Variants in NKAIN3 observed in about 807,000 individuals in gnomAD.
NKAIN3 encodes sodium/potassium transporting ATPase interacting 3.
A neutral mutation model predicts 30.2 loss-of-function variants in NKAIN3; 25 were observed. The observed-to-expected ratio is 0.83, with a 90% CI of 0.60 to 1.16. The LOEUF (loss-of-function observed/expected upper bound fraction) is 1.16. Among genes scored for constraint, NKAIN3 ranks in the 50% most tolerant of loss-of-function variants. The pLI is 0.00. For missense variants in NKAIN3, 225 were observed against 254.1 expected (o/e 0.89, Z 0.78); for synonymous variants, 91 against 89.6 (o/e 1.02, Z -0.09).
intron 4 of NKAIN3, among the ~76,000 whole-genome samples, chr8:62,774,925 A>G (rs1817141219): frequency 6.6e-6 from 1 of 152,102 alleles, no homozygotes; most frequent in Non-Finnish European, 1.5e-5. Context: ...CATGGAATGA[A>G]TTTGGAAGTA....
intron 1 of NKAIN3, among the ~76,000 whole-genome samples, chr8:62,559,284 A>C (rs898848993): frequency 6.6e-6 from 1 of 151,818 alleles, no homozygotes; most frequent in Non-Finnish European, 1.5e-5. Context: ...ACTCATTTTT[A>C]GCCTTTGAAT....
intron 3 of NKAIN3, among the ~76,000 whole-genome samples, chr8:62,600,340 G>A (rs1585995346): frequency 6.6e-6 from 1 of 151,850 alleles, no homozygotes; most frequent in Non-Finnish European, 1.5e-5. Context: ...TTTGATCAGG[G>A]GCCTTCTAAA....
At chr8:62,643,928 C>T (rs527627863) in intron 3 of NKAIN3, among the ~76,000 whole-genome samples, 1 of 152,038 alleles carries the variant, frequency 6.6e-6, no homozygotes, top group Non-Finnish European at 1.5e-5. Context: ...TGATTTTCAC[C>T]CTTCTCTTTC....
At position 62,249,072 on chromosome 8, in the gene NKAIN3, C is replaced by G; in HGVS notation, c.-2C>G. On this transcript the variant is annotated 5_prime_UTR_variant, in exon 1 of 7. Coordinates refer to ENST00000623646, the MANE Select transcript of NKAIN3 (RefSeq NM_001304533.3). Reference sequence around the variant, plus strand: ...CAGCGCCGCTCGGACGCCGCCGGCACCATGGGCTGCTGCACCGGACGCTGC... The same window carrying G: ...CAGCGCCGCTCGGACGCCGCCGGCAGCATGGGCTGCTGCACCGGACGCTGC... 6.5e-7 allele frequency: 1 copy of G among 1,536,594 alleles called. No individual in the cohort carries two copies. The highest frequency in any genetic ancestry group is 8.7e-7 in the Non-Finnish European group (1 of 1,143,448).
At chr8:62,540,111 A>T (rs543316421) in intron 1 of NKAIN3, among the ~76,000 whole-genome samples, 6 of 152,146 alleles carry the variant, frequency 3.9e-5, no homozygotes, top group Non-Finnish European at 8.8e-5. Context: ...ACAATCATAT[A>T]AAAAACATCA....
intron 1 of NKAIN3, among the ~76,000 whole-genome samples, chr8:62,394,418 A>G (rs1435927930): frequency 6.6e-6 from 1 of 152,098 alleles, no homozygotes; most frequent in Non-Finnish European, 1.5e-5. Flanking sequence ...CTGTGTATAC[A>G]TGAGAAAAAT....
At chr8:62,362,404 T>C (rs945253312) in intron 1 of NKAIN3, among the ~76,000 whole-genome samples, 5 of 152,008 alleles carry the variant, frequency 3.3e-5, no homozygotes, top group African/African-American at 7.3e-5. Flanking sequence ...AGAATGAACA[T>C]AAAACCAGGG....
chr8:62,779,349 C>T (rs182461498), intron 4 of NKAIN3, among the ~76,000 whole-genome samples: 20 of 152,228 alleles, frequency 1.3e-4, no homozygotes, highest in African/African-American at 4.8e-4. Context: ...GAGCACTCAC[C>T]CTTCAATGGC....
intron 4 of NKAIN3, among the ~76,000 whole-genome samples, chr8:62,888,259 G>C (rs1470209294): frequency 1.3e-5 from 2 of 152,170 alleles, no homozygotes; most frequent in East Asian, 1.9e-4. Flanking sequence ...AGCAGGGCTT[G>C]TTAAGAACAG....
chr8:62,839,309 A>G (rs1053204556), intron 4 of NKAIN3, among the ~76,000 whole-genome samples: 3 of 151,914 alleles, frequency 2.0e-5, no homozygotes, highest in Admixed American at 2.0e-4. Context: ...ACATTAAAAA[A>G]AAAAAAACAA....
chr8:62,526,920 C>T (rs1230575615), intron 1 of NKAIN3, among the ~76,000 whole-genome samples: 1 of 152,174 alleles, frequency 6.6e-6, no homozygotes, highest in Non-Finnish European at 1.5e-5. Flanking sequence ...CACCTTATCC[C>T]TGACTTGCAC....
At chr8:62,490,698 C>T (rs1807041193) in intron 1 of NKAIN3, among the ~76,000 whole-genome samples, 1 of 152,070 alleles carries the variant, frequency 6.6e-6, no homozygotes, top group South Asian at 2.1e-4. Context: ...TTCATGGGTA[C>T]CAAATGATGG....
intron 1 of NKAIN3, among the ~76,000 whole-genome samples, chr8:62,556,168 T>C (rs183387294): frequency 4.6e-5 from 7 of 152,074 alleles, no homozygotes; most frequent in South Asian, 2.1e-4. Context: ...TAAAATAATA[T>C]TAATAATGTC....
intron 1 of NKAIN3, among the ~76,000 whole-genome samples, chr8:62,474,761 A>C (rs1054234191): frequency 3.9e-5 from 6 of 152,240 alleles, no homozygotes; most frequent in Non-Finnish European, 7.3e-5. Flanking sequence ...ATCATCAAAA[A>C]TGCTAAAAAG....
chr8:62,792,561 T>C (rs1442365422), intron 4 of NKAIN3, among the ~76,000 whole-genome samples: 1 of 4,554 alleles, frequency 2.2e-4, no homozygotes, highest in Admixed American at 3.4e-3. Flanking sequence ...ATGGTCCTTG[T>C]TCTCAAGGAC....
At chr8:62,791,107 C>T (rs572874026) in intron 4 of NKAIN3, among the ~76,000 whole-genome samples, 1 of 152,192 alleles carries the variant, frequency 6.6e-6, no homozygotes, top group South Asian at 2.1e-4. Flanking sequence ...ACTTCTGCTG[C>T]ATCCCACTGG....
intron 4 of NKAIN3, among the ~76,000 whole-genome samples, chr8:62,831,077 A>T (rs1177798228): frequency 6.6e-6 from 1 of 152,080 alleles, no homozygotes; most frequent in Admixed American, 6.6e-5. Flanking sequence ...ACTCTTACCC[A>T]TATGCGCCAT....
chr8:62,404,945 G>A (rs868167097), intron 1 of NKAIN3, among the ~76,000 whole-genome samples: 1 of 152,020 alleles, frequency 6.6e-6, no homozygotes, highest in African/African-American at 2.4e-5. Context: ...GATTATTCAG[G>A]GCCCAAGGAC....
intron 3 of NKAIN3, among the ~76,000 whole-genome samples, chr8:62,670,944 A>G (rs1296341465): frequency 6.6e-6 from 1 of 151,788 alleles, no homozygotes; most frequent in Non-Finnish European, 1.5e-5. Context: ...AAACCCAGTG[A>G]GGTATCTGTT....
Sources: gnomAD v4.1 joint callset for allele counts (sites outside exome capture counted in the v4.1 genomes callset) on GRCh38, gnomAD v4.1.1 for gene constraint, MANE v1.5 for transcripts, NCBI Gene and HGNC (gene_info 2026-07-23, HGNC 2026-07-21) for gene names.